Variants in LRP1B observed in about 807,000 individuals in gnomAD.
The protein encoded by LRP1B is low-density lipoprotein receptor-related protein 1B.
Under a neutral mutation model 556.6 loss-of-function variants are expected in LRP1B, and 217 were observed. That is an observed-to-expected ratio of 0.39 (90% CI 0.35 to 0.44). The LOEUF (loss-of-function observed/expected upper bound fraction) is 0.44. Ranked by LOEUF, LRP1B falls within the 20% of genes least tolerant of loss-of-function variation. The pLI is 1.00. For missense variants in LRP1B, 5,053 were observed against 5,620.8 expected, an observed-to-expected ratio of 0.90 and a Z score of 3.23; for synonymous variants, 2,047 against 1,865.8, an observed-to-expected ratio of 1.10 and a Z score of -2.50.
intron 2 of LRP1B, among the ~76,000 whole-genome samples, chr2:141,661,037 A>T (rs1007033423): frequency 8.5e-5 from 13 of 152,166 alleles, no homozygotes; most frequent in African/African-American, 3.1e-4. Flanking sequence ...CCAGGAAAAT[A>T]GGATCTGGAG....
At chr2:141,749,889 A>G (rs1360792457) in intron 2 of LRP1B, among the ~76,000 whole-genome samples, 4 of 152,116 alleles carry the variant, frequency 2.6e-5, no homozygotes, top group African/African-American at 9.7e-5. Flanking sequence ...AACACCCATC[A>G]CTATCTGAAC....
intron 2 of LRP1B, among the ~76,000 whole-genome samples, chr2:141,555,620 C>A (rs983727049): frequency 6.6e-6 from 1 of 151,890 alleles, no homozygotes; most frequent in African/African-American, 2.4e-5. Context: ...TGAAAAGGAA[C>A]AAGCTCGTCA....
At chr2:141,839,895 G>A (rs907278092) in intron 1 of LRP1B, among the ~76,000 whole-genome samples, 9 of 152,012 alleles carry the variant, frequency 5.9e-5, no homozygotes, top group Admixed American at 5.9e-4. Flanking sequence ...CTTAATGAAA[G>A]GCATTAATAA....
At chr2:141,339,160 A>T (rs1264144923) in intron 3 of LRP1B, among the ~76,000 whole-genome samples, 1 of 151,812 alleles carries the variant, frequency 6.6e-6, no homozygotes. Context: ...GTGTTTTTTT[A>T]TATGACTTTT....
intron 66 of LRP1B, among the ~76,000 whole-genome samples, chr2:140,431,902 TCTCTCCATACCACCC>T (rs1685962019): frequency 6.6e-6 from 1 of 152,038 alleles, no homozygotes; most frequent in Admixed American, 6.6e-5. Context: ...TCTCCCATTC[TCTCTCCATACCACCC>T]CCAAAAATTT....
chr2:140,837,902 C>A (rs995158120), intron 31 of LRP1B, among the ~76,000 whole-genome samples: 6 of 152,066 alleles, frequency 3.9e-5, no homozygotes, highest in Non-Finnish European at 7.3e-5. Context: ...ATGTAACTAA[C>A]CTGCACGTTG....
intron 7 of LRP1B, chr2:141,167,218 G>C (rs1365669327): frequency 6.6e-6 from 1 of 151,546 alleles, no homozygotes; most frequent in South Asian, 2.1e-4. Flanking sequence ...ATCATTTCAC[G>C]CTCAAACACA....
chr2:141,375,404 G>T (rs1384460377), intron 3 of LRP1B, among the ~76,000 whole-genome samples: 2 of 152,124 alleles, frequency 1.3e-5, no homozygotes, highest in Non-Finnish European at 2.9e-5. Flanking sequence ...TGGGCTGGGT[G>T]TGTGGGTGAA....
At chr2:140,926,108 C>T (rs747275676) in intron 20 of LRP1B, among the ~76,000 whole-genome samples, 11 of 145,438 alleles carry the variant, frequency 7.6e-5, no homozygotes, top group Non-Finnish European at 1.3e-4. Context: ...CCTCTGTATG[C>T]TGGCATAACA....
At chr2:141,845,049 C>A (rs1432238729) in intron 1 of LRP1B, among the ~76,000 whole-genome samples, 1 of 151,266 alleles carries the variant, frequency 6.6e-6, no homozygotes, top group Non-Finnish European at 1.5e-5. Context: ...TATTTTATCA[C>A]CTGAAAATTA....
chr2:140,399,357 C>T (rs1684396482), intron 66 of LRP1B, among the ~76,000 whole-genome samples: 1 of 152,076 alleles, frequency 6.6e-6, no homozygotes, highest in Admixed American at 6.6e-5. Flanking sequence ...TCTCTTATAT[C>T]TTTTTTACAC....
At chr2:140,837,939 A>C in intron 31 of LRP1B, among the ~76,000 whole-genome samples, 1 of 152,296 alleles carries the variant, frequency 6.6e-6, no homozygotes, top group East Asian at 1.9e-4. Context: ...AACTTAAAGT[A>C]TAATTAAAAA....
chr2:141,725,622 T>C (rs1436340539), intron 2 of LRP1B, among the ~76,000 whole-genome samples: 4 of 151,896 alleles, frequency 2.6e-5, no homozygotes, highest in African/African-American at 9.7e-5. Flanking sequence ...TAGGAATACA[T>C]AAATAAATTA....
chr2:141,524,771 G>A (rs935194239), intron 2 of LRP1B, among the ~76,000 whole-genome samples: 8 of 151,674 alleles, frequency 5.3e-5, no homozygotes, highest in African/African-American at 1.7e-4. Flanking sequence ...AAGAAAGAGA[G>A]AGAGAGACAG....
intron 66 of LRP1B, among the ~76,000 whole-genome samples, chr2:140,421,997 G>C (rs1007246869): frequency 1.3e-5 from 2 of 152,172 alleles, no homozygotes; most frequent in Admixed American, 1.3e-4. Flanking sequence ...CCTTCTTACA[G>C]GTCAAGCCAA....
At chr2:141,370,419 C>A (rs577836456) in intron 3 of LRP1B, among the ~76,000 whole-genome samples, 90 of 152,184 alleles carry the variant, frequency 5.9e-4, no homozygotes, top group African/African-American at 2.1e-3. Flanking sequence ...AATGTTTTTT[C>A]ATAGACTTCT....
intron 41 of LRP1B, among the ~76,000 whole-genome samples, chr2:140,648,316 A>G (rs957437526): frequency 4.6e-5 from 7 of 152,120 alleles, no homozygotes; most frequent in African/African-American, 1.4e-4. Context: ...GAGGGATAGC[A>G]TTAGGAGAAA....
intron 2 of LRP1B, among the ~76,000 whole-genome samples, chr2:141,602,292 C>T (rs1244238818): frequency 6.6e-6 from 1 of 152,080 alleles, no homozygotes; most frequent in Non-Finnish European, 1.5e-5. Context: ...TTGTAACCAG[C>T]ATGAAAATAT....
intron 41 of LRP1B, among the ~76,000 whole-genome samples, chr2:140,695,664 A>C (rs1686405209): frequency 6.6e-6 from 1 of 152,168 alleles, no homozygotes; most frequent in South Asian, 2.1e-4. Flanking sequence ...CTGTGGTTTT[A>C]AAGTCAGAAA....
Sources: gnomAD v4.1 joint callset for allele counts (sites outside exome capture counted in the v4.1 genomes callset) on GRCh38, gnomAD v4.1.1 for gene constraint, MANE v1.5 for transcripts, NCBI Gene and HGNC (gene_info 2026-07-23, HGNC 2026-07-21) for gene names.